EXOC4: variants seen among roughly 807,000 people sequenced by gnomAD.
The protein encoded by EXOC4 is exocyst complex component 4.
EXOC4 carries 71 observed loss-of-function variants against 107.2 expected under a neutral mutation model. That is an observed-to-expected ratio of 0.66 (90% CI 0.55 to 0.81). The LOEUF (loss-of-function observed/expected upper bound fraction) is 0.81, where lower values mean the gene tolerates loss of function less well. EXOC4 is among the 30% of genes least tolerant of loss of function. EXOC4 has a pLI of 0.00. For synonymous variants in EXOC4, 456 were observed against 441.2 expected (o/e 1.03, Z -0.42); for missense variants, 1,108 against 1,189.6 (o/e 0.93, Z 1.01).
At chr7:133,872,558 G>C (rs1487812076) in intron 11 of EXOC4, among the ~76,000 whole-genome samples, 3 of 152,062 alleles carry the variant, frequency 2.0e-5, no homozygotes, top group Admixed American at 2.0e-4. Flanking sequence ...ATGGGCAGCA[G>C]GGACATTTTA....
chr7:133,832,541 T>C (rs763708577), intron 11 of EXOC4, among the ~76,000 whole-genome samples: 3 of 152,226 alleles, frequency 2.0e-5, no homozygotes, highest in Admixed American at 6.5e-5. Context: ...ATTTGTATCA[T>C]TGGAATCATA....
intron 14 of EXOC4, among the ~76,000 whole-genome samples, chr7:133,971,392 AGAGAGAGAG>A (rs1563076047): frequency 2.9e-4 from 41 of 143,044 alleles, no homozygotes; most frequent in South Asian, 6.9e-4. Context: ...AGAGAGAGAG[AGAGAGAGAG>A]AAAGAGAGAG....
intron 10 of EXOC4, among the ~76,000 whole-genome samples, chr7:133,763,491 T>G (rs1796074858): frequency 6.6e-6 from 1 of 152,122 alleles, no homozygotes; most frequent in African/African-American, 2.4e-5. Context: ...CCTGATGTGA[T>G]GTTGGCCAGA....
rs189198671 is a variant in EXOC4, at chr7:133,751,089, G to T, written c.1515-66236G>T. Among the ~76,000 whole-genome samples the T allele has an allele frequency of 3.9e-5, 6 of 152,244 alleles. No homozygotes were observed. The East Asian group carries it at 1.2e-3, about 29-fold the overall frequency. On this transcript the variant is annotated intron_variant, in intron 10 of 17. Transcript: ENST00000253861. Reference sequence around the variant, plus strand: ...ATCCTTTTGAGTTTCATGTTTTATGGAAGACCATCAAAATATTTGGAAGGC... The same window carrying T: ...ATCCTTTTGAGTTTCATGTTTTATGTAAGACCATCAAAATATTTGGAAGGC...
intron 10 of EXOC4, among the ~76,000 whole-genome samples, chr7:133,651,096 A>G (rs1017024060): frequency 3.3e-5 from 5 of 152,062 alleles, no homozygotes; most frequent in African/African-American, 7.2e-5. Context: ...AAGAAAAGTC[A>G]TACACCACAT....
chr7:133,599,779 G>A (rs996180939), intron 9 of EXOC4, among the ~76,000 whole-genome samples: 1 of 151,462 alleles, frequency 6.6e-6, no homozygotes, highest in Non-Finnish European at 1.5e-5. Flanking sequence ...GTAAAGTGGT[G>A]TGATTCTTAT....
At chr7:134,061,145 C>CA (rs1796047693) in intron 17 of EXOC4, among the ~76,000 whole-genome samples, 1 of 152,128 alleles carries the variant, frequency 6.6e-6, no homozygotes, top group African/African-American at 2.4e-5. Context: ...CAGCGTGGAA[C>CA]AATGGCCTCT....
chr7:133,946,059 A>C (rs920357660), intron 14 of EXOC4, among the ~76,000 whole-genome samples: 5 of 152,158 alleles, frequency 3.3e-5, no homozygotes, highest in Non-Finnish European at 7.3e-5. Flanking sequence ...CAGTATTTAC[A>C]AGTTTCAAAT....
intron 10 of EXOC4, among the ~76,000 whole-genome samples, chr7:133,678,185 T>C (rs1185513251): frequency 6.6e-6 from 1 of 152,200 alleles, no homozygotes; most frequent in Non-Finnish European, 1.5e-5. Context: ...TGTAACAAAT[T>C]TGCTGGGCCA....
intron 17 of EXOC4, among the ~76,000 whole-genome samples, chr7:134,059,337 ACTCCCTGGCCTCT>A (rs1338508121): frequency 6.6e-6 from 1 of 151,970 alleles, no homozygotes; most frequent in African/African-American, 2.4e-5. Context: ...GGATGAGAAA[ACTCCCTGGCCTCT>A]TGTCTATGAA....
intron 17 of EXOC4, among the ~76,000 whole-genome samples, chr7:134,034,010 C>T (rs1003471835): frequency 3.3e-5 from 5 of 152,162 alleles, no homozygotes; most frequent in African/African-American, 1.2e-4. Context: ...TTCTAGGGAA[C>T]TTTTTGAGAA....
At chr7:133,769,779 C>T (rs780568491) in intron 10 of EXOC4, among the ~76,000 whole-genome samples, 23 of 151,712 alleles carry the variant, frequency 1.5e-4, no homozygotes, top group Non-Finnish European at 2.4e-4. Flanking sequence ...GTTTAATATC[C>T]AAAGGAGCCA....
chr7:133,831,057 C>T (rs923364624), intron 11 of EXOC4, among the ~76,000 whole-genome samples: 2 of 152,076 alleles, frequency 1.3e-5, no homozygotes, highest in South Asian at 2.1e-4. Context: ...CTCCGCCTCC[C>T]GGGTTCAAGC....
intron 9 of EXOC4, among the ~76,000 whole-genome samples, chr7:133,520,541 T>G (rs1760291291): frequency 6.6e-6 from 1 of 152,164 alleles, no homozygotes; most frequent in African/African-American, 2.4e-5. Flanking sequence ...CAGCATACAT[T>G]AACTTTCTTG....
chr7:133,854,667 G>A (rs1205628352), intron 11 of EXOC4, among the ~76,000 whole-genome samples: 1 of 151,554 alleles, frequency 6.6e-6, no homozygotes, highest in Admixed American at 6.6e-5. Flanking sequence ...AAATTGAGAG[G>A]CTGTGTGGGA....
At chr7:133,775,146 A>C (rs1796320912) in intron 10 of EXOC4, among the ~76,000 whole-genome samples, 1 of 152,172 alleles carries the variant, frequency 6.6e-6, no homozygotes. Context: ...GTCTTGTCAG[A>C]AGTGAGGAAT....
chr7:133,581,862 A>ATTTC (rs1801284461), intron 9 of EXOC4, among the ~76,000 whole-genome samples: 2 of 152,056 alleles, frequency 1.3e-5, no homozygotes, highest in African/African-American at 4.8e-5. Context: ...GCCTCAGGAA[A>ATTTC]CTGAGGCCTC....
chr7:134,100,084 TA>T, the EXOC4 span, among the ~76,000 whole-genome samples: 2,078 of 152,076 alleles, frequency 0.014, 56 homozygotes, highest in African/African-American at 0.048. Flanking sequence ...ACATAAAACT[TA>T]AAAAAAATAT....
intron 13 of EXOC4, among the ~76,000 whole-genome samples, chr7:133,920,792 T>C (rs936289735): frequency 1.3e-5 from 2 of 152,156 alleles, no homozygotes; most frequent in African/African-American, 4.8e-5. Context: ...ATCTGTATCA[T>C]TTTTCTTCTC....
Sources: allele counts gnomAD v4.1 joint callset (sites outside exome capture counted in the v4.1 genomes callset), GRCh38; gene constraint gnomAD v4.1.1; transcripts MANE v1.5; gene names NCBI Gene and HGNC (gene_info 2026-07-23, HGNC 2026-07-21).